The following MIB1 variants were observed in gnomAD, a reference collection of about 807,000 sequenced individuals.
MIB1 encodes E3 ubiquitin-protein ligase MIB1.
In MIB1, 278 loss-of-function variants were observed where a neutral mutation model predicts 124.5. That is an observed-to-expected ratio of 2.23 (90% confidence interval 2.02 to 2.47). MIB1 has a LOEUF of 2.47. Among genes scored for constraint, MIB1 ranks in the 30% most tolerant of loss-of-function variants. The probability of loss-of-function intolerance (pLI) is 0.00; values close to 1 mark genes in which losing one functional copy is unlikely to be tolerated. For missense variants in MIB1, 957 were observed against 1,254.4 expected, an observed-to-expected ratio of 0.76 and a Z score of 3.58; for synonymous variants, 446 against 429.4, an observed-to-expected ratio of 1.04 and a Z score of -0.48.
intron 1 of MIB1, among the ~76,000 whole-genome samples, chr18:21,735,757 CG>C (rs1214001032): frequency 1.1e-4 from 17 of 152,164 alleles, no homozygotes; most frequent in African/African-American, 3.9e-4. Context: ...ACAAAGCTGC[CG>C]GAAGTTCGAA....
At chr18:21,758,052 C>A (rs1232233290) in intron 1 of MIB1, among the ~76,000 whole-genome samples, 3 of 152,152 alleles carry the variant, frequency 2.0e-5, no homozygotes, top group Non-Finnish European at 2.9e-5. Flanking sequence ...TGTTGTGTGA[C>A]TTCAGGCAGG....
intron 2 of MIB1, among the ~76,000 whole-genome samples, chr18:21,767,367 C>T (rs1391819435): frequency 1.3e-5 from 2 of 152,042 alleles, no homozygotes; most frequent in Admixed American, 6.6e-5. Flanking sequence ...CATCAGGTCT[C>T]GTGAGAACTC....
upstream of MIB1, among the ~76,000 whole-genome samples, chr18:21,739,734 CCCCCG>C (rs2040821192): frequency 6.6e-6 from 1 of 151,794 alleles, no homozygotes; most frequent in African/African-American, 2.4e-5. Flanking sequence ...CCCCACTGCC[CCCCCG>C]CTCATCTCTG....
At chr18:21,853,391 C>A (rs950237893) in intron 18 of MIB1, among the ~76,000 whole-genome samples, 173 bp downstream of exon 18, 6 of 152,216 alleles carry the variant, frequency 3.9e-5, no homozygotes, top group Non-Finnish European at 8.8e-5. Context: ...TGTTTCCCTC[C>A]ATGCGTCTGA....
intron 12 of MIB1, 123 bp downstream of exon 12, chr18:21,819,769 T>C (rs1056285792): frequency 1.5e-5 from 9 of 586,150 alleles, no homozygotes; most frequent in African/African-American, 1.3e-4. Context: ...ATTTTAAAGT[T>C]TTGTGAATAT....
At chr18:21,742,990 C>T (rs1342155709) in intron 1 of MIB1, among the ~76,000 whole-genome samples, 2 of 152,156 alleles carry the variant, frequency 1.3e-5, no homozygotes, top group African/African-American at 4.8e-5. Context: ...TTTTATTTCT[C>T]CGGCTGGTCT....
chr18:21,864,852 TG>T lies in MIB1; in HGVS notation c.*187del, dbSNP rs2042308459. 1 of 418,700 alleles carries T rather than the reference TG, an allele frequency of 2.4e-6. No individual in the cohort carries two copies. Among genetic ancestry groups the T allele is most frequent in the Non-Finnish European group, 4.2e-6 (1 of 239,852 alleles). 25.9% of individuals were successfully genotyped at this position (418,700 alleles called of 1,614,324 possible). ...AAATGGTGTTGGAAATTGTGTTTTT[TG>T]TTTTTGTTTTAAATTTGAAACATCA... On this transcript the variant is annotated 3_prime_UTR_variant, in exon 21 of 21. Coordinates refer to ENST00000261537, the MANE Select transcript of MIB1 (RefSeq NM_020774.4).
chr18:21,842,256 A>G (rs1239868739), intron 13 of MIB1, among the ~76,000 whole-genome samples: 1 of 152,162 alleles, frequency 6.6e-6, no homozygotes, highest in African/African-American at 2.4e-5. Flanking sequence ...GCCAGTATCA[A>G]GAGTTGTAAC....
At chr18:21,750,075 G>A (rs756179607) in intron 1 of MIB1, among the ~76,000 whole-genome samples, 2 of 151,286 alleles carry the variant, frequency 1.3e-5, no homozygotes, top group Non-Finnish European at 2.9e-5. Context: ...GAAAAATTAG[G>A]TTTTTTTTGC....
At position 21,864,986 on chromosome 18, in the gene MIB1, G is replaced by A. The variant is rs936810928; in HGVS notation, c.*320G>A. The A allele has an allele frequency of 1.7e-5, 3 of 180,838 alleles. No homozygotes were observed. The highest frequency in any genetic ancestry group is 2.8e-4 in the East Asian group (2 of 7,066). The allele number at this position is 180,838 out of a possible 1,614,324, so 11.2% of individuals were successfully genotyped here. On this transcript the variant is annotated 3_prime_UTR_variant, in exon 21 of 21. Transcript: ENST00000261537. Reference sequence around the variant, plus strand: ...TTTTTCTCTTATAATTTGTAAATTTGTTGGATCTCAAAAGACATAATTCTT... The same window carrying A: ...TTTTTCTCTTATAATTTGTAAATTTATTGGATCTCAAAAGACATAATTCTT...
At chr18:21,860,426 C>T (rs903783183) in intron 20 of MIB1, among the ~76,000 whole-genome samples, 1 of 151,938 alleles carries the variant, frequency 6.6e-6, no homozygotes, top group Non-Finnish European at 1.5e-5. Flanking sequence ...TATATATCAA[C>T]AAATATGCTC....
chr18:21,812,114 G>A (rs2041780482), intron 10 of MIB1, among the ~76,000 whole-genome samples: 1 of 152,094 alleles, frequency 6.6e-6, no homozygotes, highest in South Asian at 2.1e-4. Context: ...TGAGAGTCAG[G>A]GGAAATTTCA....
At chr18:21,784,630 A>C (rs1291349044) in intron 6 of MIB1, among the ~76,000 whole-genome samples, 1 of 152,150 alleles carries the variant, frequency 6.6e-6, no homozygotes, top group African/African-American at 2.4e-5. Context: ...TTGTTCTACA[A>C]TTGTAACCTA....
intron 1 of MIB1, among the ~76,000 whole-genome samples, chr18:21,727,395 A>G (rs1270989086): frequency 6.6e-6 from 1 of 152,098 alleles, no homozygotes; most frequent in Non-Finnish European, 1.5e-5. Context: ...GGCCTCCCAG[A>G]GTGCTGGGAT....
rs2042196777 is a variant in MIB1, at chr18:21,853,222, A to C, written c.2665+4A>C. The C allele has an allele frequency of 6.3e-7, 1 of 1,596,646 alleles. No homozygotes were observed. Among genetic ancestry groups the C allele is most frequent in the African/African-American group, 1.3e-5 (1 of 74,578 alleles). ...GGCCACATGTGTGCTTGTGAGAGTA[A>C]GTAGCCTATGCAGAGTTCCTCAATA... is the stretch of plus-strand genomic sequence containing the variant. On this transcript the variant is annotated splice_donor_region_variant and intron_variant, in intron 18 of 20. Transcript: ENST00000261537.
chr18:21,842,532 CTT>C (rs747150045), intron 13 of MIB1, among the ~76,000 whole-genome samples: 74 of 152,296 alleles, frequency 4.9e-4, no homozygotes, highest in Non-Finnish European at 9.1e-4. Context: ...TCCTCAGTCT[CTT>C]TCTTCATTAG....
At chr18:21,810,041 AAC>A (rs1329484031) in intron 10 of MIB1, among the ~76,000 whole-genome samples, 1 of 152,142 alleles carries the variant, frequency 6.6e-6, no homozygotes, top group Non-Finnish European at 1.5e-5. Flanking sequence ...ACGAAGTTAA[AAC>A]ACAGAAATCA....
intron 18 of MIB1, among the ~76,000 whole-genome samples, chr18:21,853,904 A>T (rs918134340): frequency 6.8e-6 from 1 of 147,668 alleles, no homozygotes; most frequent in African/African-American, 2.5e-5. Flanking sequence ...TCGCTCTGTC[A>T]CCTAGGCTGG....
At chr18:21,728,125 A>G (rs1392078256) in intron 1 of MIB1, among the ~76,000 whole-genome samples, 1 of 152,044 alleles carries the variant, frequency 6.6e-6, no homozygotes, top group East Asian at 1.9e-4. Flanking sequence ...ACTACCCACC[A>G]CCCCCAACCG....
Sources: gnomAD v4.1 joint callset for allele counts (sites outside exome capture counted in the v4.1 genomes callset) on GRCh38, gnomAD v4.1.1 for gene constraint, MANE v1.5 for transcripts, NCBI Gene and HGNC (gene_info 2026-07-23, HGNC 2026-07-21) for gene names.